Variants in CYBA observed in about 807,000 individuals in gnomAD.
CYBA encodes cytochrome b-245 alpha chain.
In CYBA, 21 loss-of-function variants were observed where a neutral mutation model predicts 20.8. That is an observed-to-expected ratio of 1.01 (90% CI 0.72 to 1.46). The LOEUF (loss-of-function observed/expected upper bound fraction) is 1.46, where lower values mean the gene tolerates loss of function less well. CYBA is among the 40% of genes most tolerant of loss of function. The probability of loss-of-function intolerance (pLI) is 0.00; values close to 1 mark genes in which losing one functional copy is unlikely to be tolerated. For synonymous variants in CYBA, 164 were observed against 127.5 expected (o/e 1.29, Z -1.93); for missense variants, 344 against 287.0 (o/e 1.20, Z -1.43).
intron 1 of CYBA, among the ~76,000 whole-genome samples, chr16:88,648,743 G>A (rs1214502674): frequency 6.6e-6 from 1 of 150,712 alleles, no homozygotes; most frequent in East Asian, 2.0e-4. Context: ...TCAGCCTCCT[G>A]AGTAGCTGGG....
intron 5 of CYBA, chr16:88,644,809 C>T (rs996081177): frequency 6.6e-5 from 19 of 289,092 alleles, no homozygotes; most frequent in East Asian, 6.6e-4. Flanking sequence ...TGGGCGATGG[C>T]GCGAGACTCC....
intron 1 of CYBA, among the ~76,000 whole-genome samples, chr16:88,648,613 CCT>C (rs1907379326): frequency 6.6e-6 from 1 of 151,834 alleles, no homozygotes; most frequent in African/African-American, 2.4e-5. Flanking sequence ...CAATATTCCC[CCT>C]TACTGTTTTT....
intron 5 of CYBA, chr16:88,645,204 G>A (rs895466759): frequency 1.4e-6 from 1 of 702,272 alleles, no homozygotes; most frequent in African/African-American, 1.7e-5. Context: ...GGGGGATGCG[G>A]GTGGCCCCCG....
At chr16:88,645,752 T>G in intron 5 of CYBA, 1 of 531,110 alleles carries the variant, frequency 1.9e-6, no homozygotes, top group Non-Finnish European at 3.4e-6. Context: ...GAGAAAAGCC[T>G]GATAATGGGA....
rs113932941 is a variant in CYBA at position 88,646,840 on chromosome 16, T to C, written c.204-2A>G. 10 of 1,611,876 alleles carry C rather than the reference T, an allele frequency of 6.2e-6. No homozygotes were observed. The highest frequency in any genetic ancestry group is 1.7e-6 in the Non-Finnish European group (2 of 1,178,330). On this transcript the variant is annotated splice_acceptor_variant, in intron 3 of 5. Transcript: ENST00000261623. LOFTEE classifies it high-confidence loss of function. ...ACGGCGGTCATGTACTTCTGTCCCC[T>C]GGGGGAGGGAGGAAGGCGAGACGGC...
intron 1 of CYBA, among the ~76,000 whole-genome samples, chr16:88,648,538 G>C (rs1907375547): frequency 6.6e-6 from 1 of 152,070 alleles, no homozygotes; most frequent in African/African-American, 2.4e-5. Context: ...CCCGTCAGCG[G>C]TTTTGCCTTA....
chr16:88,649,245 G>C (rs1189407394), intron 1 of CYBA, among the ~76,000 whole-genome samples: 2 of 152,188 alleles, frequency 1.3e-5, no homozygotes, highest in Admixed American at 1.3e-4. Flanking sequence ...CAGCCATTCT[G>C]TTTTTGTCTC....
chr16:88,646,147 C>G lies in CYBA; in HGVS notation c.338G>C (p.Cys113Ser). 6.4e-7 allele frequency: 1 copy of G among 1,559,282 alleles called. No individual in the cohort carries two copies. The highest frequency in any genetic ancestry group is 1.9e-5 in the Admixed American group (1 of 52,676). The change falls in exon 5 of 6, where the codon TGC becomes TCC. Residue 113 changes from cysteine (C) to serine (S), a missense_variant. Physicochemically the swap from Cys to Ser is moderately radical, Grantham distance 112. Transcript: ENST00000261623. ...GTAGATGCCGCTCGCAATGGCCAGG[C>G]AGGCGGTCCCAAGGATGGTGGCCAG... is the stretch of plus-strand genomic sequence containing the variant. Reference protein sequence around the residue: ...FLLATILGTACLAIASGIYLL... With the variant: ...FLLATILGTASLAIASGIYLL...
chr16:88,643,449 G>C lies in CYBA; in HGVS notation c.492C>G (p.Arg164=). 6.5e-7 allele frequency: 1 copy of C among 1,533,856 alleles called. No individual in the cohort carries two copies. The highest frequency in any genetic ancestry group is 8.7e-7 in the Non-Finnish European group (1 of 1,143,986). Reference sequence around the variant, plus strand: ...CAGCCTCCTCCTCGCTGGGCTTCTTGCGGGCCTCGGCCGGGGGCCGCGGCG... The same window carrying C: ...CAGCCTCCTCCTCGCTGGGCTTCTTCCGGGCCTCGGCCGGGGGCCGCGGCG... ...NPPPRPPAEA[R]KKPSEEEAAV... Residue 164 remains arginine, a synonymous_variant, in exon 6 of 6, where the codon CGC becomes CGG. Coordinates refer to ENST00000261623, the MANE Select transcript of CYBA (RefSeq NM_000101.4). The surrounding 1 kb of genome is among the most constrained non-coding windows in gnomAD (Gnocchi z 4.3).
Position 88,643,580 on chromosome 16 carries a change from C to T in CYBA, c.370-9G>A. The stretch of plus-strand genomic sequence containing the variant: ...TCGCCACGCACAGCCGCCTGCGGGG[C>T]ACTGAAGGGTTGAGCCGCGCCCCAG... On this transcript the variant is annotated splice_polypyrimidine_tract_variant and intron_variant, in intron 5 of 5. Coordinates refer to ENST00000261623, the MANE Select transcript of CYBA (RefSeq NM_000101.4). This position sits in a 1 kb window ranked among gnomAD's most constrained non-coding sequence, Gnocchi z 4.3. The T allele has an allele frequency of 6.5e-7, 1 of 1,532,184 alleles. No homozygotes were observed. The highest frequency in any genetic ancestry group is 1.4e-5 in the African/African-American group (1 of 72,976). The allele number at this position is 1,532,184 out of a possible 1,614,324, so 94.9% of individuals were successfully genotyped here. A position where few individuals can be genotyped will look rare whatever the true frequency, so the allele number is the denominator to read the frequency against.
chr16:88,645,380 C>T (rs559470610), intron 5 of CYBA: 16 of 702,446 alleles, frequency 2.3e-5, no homozygotes, highest in African/African-American at 3.5e-5. Context: ...CACTAGAAGA[C>T]GCACAGCAAG....
chr16:88,644,361 G>A (rs990231018), intron 5 of CYBA, among the ~76,000 whole-genome samples: 2 of 152,210 alleles, frequency 1.3e-5, no homozygotes, highest in Non-Finnish European at 2.9e-5. Context: ...TTTTCACAAA[G>A]CACAGACCAT....
In CYBA at chr16:88,643,393, G is replaced by C. The variant is rs939664876; in HGVS notation, c.548C>G (p.Pro183Arg). Residue 183 changes from proline to arginine, a missense_variant, in exon 6 of 6, where the codon CCC (proline) becomes CGC (arginine). Transcript: ENST00000261623. The surrounding 1 kb of genome is among the most constrained non-coding windows in gnomAD (Gnocchi z 4.3). The stretch of plus-strand genomic sequence containing the variant: ...GGTCACCGGGATGGGGTTGACCTGG[G>C]GACCTCCCGGGGGTCCCCCCGCCGC... ...AVAAGGPPGGPQVNPIPVTDE... is the reference protein window; with the variant it reads ...AVAAGGPPGGRQVNPIPVTDE... The C allele has an allele frequency of 1.1e-5, 17 of 1,534,032 alleles. No individual in the cohort carries two copies. The highest frequency in any genetic ancestry group is 1.5e-5 in the Non-Finnish European group (17 of 1,143,116).
intron 5 of CYBA, chr16:88,645,828 C>A (rs1468358151): frequency 7.2e-6 from 4 of 558,464 alleles, no homozygotes; most frequent in African/African-American, 5.6e-5. Flanking sequence ...CCTCCCTGAG[C>A]CTCCGCATCT....
At chr16:88,647,007 G>T in intron 3 of CYBA, 94 bp downstream of exon 3, 1 of 1,291,162 alleles carries the variant, frequency 7.7e-7, no homozygotes, top group Non-Finnish European at 1.1e-6. Flanking sequence ...TGGTTCCGGA[G>T]CCTCCAAGTG....
rs72667005 is a variant in CYBA, at chr16:88,643,429, T to C, written c.512A>G (p.Glu171Gly). The part of the protein sequence containing the change: ...AEARKKPSEE[E>G]AAVAAGGPPG... ...GGGTCCCCCCGCCGCCACCGCAGCC[T>C]CCTCCTCGCTGGGCTTCTTGCGGGC... The change falls in exon 6 of 6, where the codon GAG (glutamate) becomes GGG (glycine). Residue 171 changes from glutamate (E) to glycine (G), a missense_variant. By Grantham distance (98) the Glu-to-Gly change is moderately conservative. Coordinates refer to ENST00000261623, the MANE Select transcript of CYBA (RefSeq NM_000101.4). This position sits in a 1 kb window ranked among gnomAD's most constrained non-coding sequence, Gnocchi z 4.3. 7.2e-6 allele frequency: 11 copies of C among 1,534,608 alleles called. No individual in the cohort carries two copies. The highest frequency in any genetic ancestry group is 9.6e-6 in the Non-Finnish European group (11 of 1,143,566).
intron 1 of CYBA, among the ~76,000 whole-genome samples, chr16:88,649,702 G>A (rs1018046897): frequency 6.6e-6 from 1 of 152,232 alleles, no homozygotes; most frequent in African/African-American, 2.4e-5. Context: ...TCTAGGAACA[G>A]AAAGGAAGCA....
At position 88,646,142 on chromosome 16, in the gene CYBA, C is replaced by A. The variant is rs867256642; in HGVS notation, c.343G>T (p.Ala115Ser). The A allele has an allele frequency of 6.4e-7, 1 of 1,558,540 alleles. No homozygotes were observed. Among genetic ancestry groups the A allele is most frequent in the Non-Finnish European group, 8.7e-7 (1 of 1,153,046 alleles). Residue 115 changes from alanine (A) to serine (S), a missense_variant, in exon 5 of 6, where the codon GCC becomes TCC. Ala to Ser is a moderately conservative substitution (Grantham distance 99). Transcript: ENST00000261623. ...LATILGTACLAIASGIYLLAA... is the reference protein window; with the variant it reads ...LATILGTACLSIASGIYLLAA... Reference sequence around the variant, plus strand: ...AGTAGGTAGATGCCGCTCGCAATGGCCAGGCAGGCGGTCCCAAGGATGGTG... The same window carrying A: ...AGTAGGTAGATGCCGCTCGCAATGGACAGGCAGGCGGTCCCAAGGATGGTG...
chr16:88,647,083 G>C lies in CYBA; in HGVS notation c.203+18C>G, dbSNP rs773609612. On this transcript the variant is annotated intron_variant, in intron 3 of 5. Transcript: ENST00000261623. ...CCCCGCAGCCCCCGGAGAGACCCCA[G>C]AGCAGGAGGAGACTCACCAGCGCTC... The C allele has an allele frequency of 2.5e-6, 4 of 1,606,414 alleles. No individual in the cohort carries two copies. The East Asian group carries it at 6.7e-5, about 27-fold the overall frequency.
Sources: allele counts gnomAD v4.1 joint callset (sites outside exome capture counted in the v4.1 genomes callset), GRCh38; gene constraint gnomAD v4.1.1; non-coding constraint Gnocchi (gnomAD v3.1); transcripts MANE v1.5; gene names NCBI Gene and HGNC (gene_info 2026-07-23, HGNC 2026-07-21).